The following PLEKHG4B variants were observed in gnomAD, a reference collection of about 807,000 sequenced individuals.
The protein encoded by PLEKHG4B is pleckstrin homology and RhoGEF domain containing G4B.
Under a neutral mutation model 121.3 loss-of-function variants are expected in PLEKHG4B, and 111 were observed. The observed-to-expected ratio is 0.92, with a 90% CI of 0.78 to 1.07. PLEKHG4B has a LOEUF of 1.07. PLEKHG4B is among the 50% of genes least tolerant of loss of function. PLEKHG4B has a pLI of 0.00. For synonymous variants in PLEKHG4B, 738 were observed against 725.0 expected, an observed-to-expected ratio of 1.02 and a Z score of -0.29; for missense variants, 1,831 against 1,757.8, an observed-to-expected ratio of 1.04 and a Z score of -0.74.
At chr5:125,356 A>C (rs1250291510) in intron 2 of PLEKHG4B, among the ~76,000 whole-genome samples, 1 of 152,154 alleles carries the variant, frequency 6.6e-6, no homozygotes, top group Non-Finnish European at 1.5e-5. Flanking sequence ...TACATTCTAT[A>C]GCTATTTTCC....
At chr5:169,717 GT>G in intron 14 of PLEKHG4B, 125 bp downstream of exon 14, 1 of 1,398,540 alleles carries the variant, frequency 7.2e-7, no homozygotes, top group Non-Finnish European at 9.6e-7. Flanking sequence ...CTAGGAGCTG[GT>G]CCTGACAGGA....
intron 2 of PLEKHG4B, among the ~76,000 whole-genome samples, chr5:130,544 A>C (rs912799041): frequency 5.3e-5 from 8 of 152,190 alleles, no homozygotes; most frequent in African/African-American, 1.9e-4. Flanking sequence ...TGCCTTTGTT[A>C]TGATCAAAAC....
rs1344484989 is a variant in PLEKHG4B at position 157,952 on chromosome 5, G to A, written c.2487+1041G>A. On this transcript the variant is annotated intron_variant, in intron 11 of 19. Coordinates refer to ENST00000637938, the MANE Select transcript of PLEKHG4B (RefSeq NM_052909.5). The surrounding 1 kb of genome is among the most constrained non-coding windows in gnomAD (Gnocchi z 4.6). ...GGCCTCCAGACAAAGACGTGCAGCA[G>A]GGACGCGAGGCACTGTGCATGCTCC... 6.6e-6 allele frequency among the ~76,000 whole-genome samples: 1 copy of A among 152,150 alleles called. No individual in the cohort carries two copies. Among genetic ancestry groups the A allele is most frequent in the Non-Finnish European group, 1.5e-5 (1 of 68,016 alleles).
In PLEKHG4B at chr5:101,875, A is replaced by G. The variant is rs373284932; in HGVS notation, c.45+9599A>G. Among the ~76,000 whole-genome samples the G allele has an allele frequency of 6.8e-3, 530 of 77,914 alleles. 7 individuals are homozygous for G. The highest frequency in any genetic ancestry group is 0.014 in the Middle Eastern group (2 of 146). The allele number at this position is 77,914 out of a possible 152,430, so 51.1% of individuals were successfully genotyped here. A position where few individuals can be genotyped will look rare whatever the true frequency, so the allele number is the denominator to read the frequency against. On this transcript the variant is annotated intron_variant, in intron 1 of 19. Coordinates refer to ENST00000637938, the MANE Select transcript of PLEKHG4B (RefSeq NM_052909.5). ...AGGTTAATCCATATAAAGCCCTGGA[A>G]AAAGTCTGTAGGGGAGAGACTGTTG...
intron 11 of PLEKHG4B, among the ~76,000 whole-genome samples, chr5:160,611 T>C (rs552802256): frequency 6.6e-5 from 10 of 152,364 alleles, no homozygotes; most frequent in African/African-American, 2.2e-4. Flanking sequence ...CTATGTTATA[T>C]GGATCCTTCA....
In PLEKHG4B at chr5:140,368, G is replaced by T; in HGVS notation, c.1129G>T (p.Ala377Ser). ...GSSEEALGDL[A>S]CSSLTGASRD... is the part of the protein sequence containing the mutation. ...CTCTGAGGAGGCCCTCGGGGACCTG[G>T]CCTGCAGCTCCCTGACTGGAGCCAG... Residue 377 changes from alanine (A) to serine (S), a missense_variant, in exon 3 of 20, where the codon GCC becomes TCC. Coordinates refer to ENST00000637938, the MANE Select transcript of PLEKHG4B (RefSeq NM_052909.5). The T allele has an allele frequency of 6.4e-7, 1 of 1,551,994 alleles. No individual in the cohort carries two copies. The highest frequency in any genetic ancestry group is 8.7e-7 in the Non-Finnish European group (1 of 1,148,668).
In PLEKHG4B at chr5:111,484, G is replaced by T. The variant is rs1218787133; in HGVS notation, c.46-1767G>T. Among the ~76,000 whole-genome samples, 4 of 152,322 alleles carry T rather than the reference G, an allele frequency of 2.6e-5. No individual in the cohort carries two copies. In the East Asian group the frequency reaches 7.7e-4, roughly 29 times the overall value. On this transcript the variant is annotated intron_variant, in intron 1 of 19. Transcript: ENST00000637938. The stretch of plus-strand genomic sequence containing the variant: ...TTCCTTATGTCGGGCGGTTGAGACG[G>T]TGGCCCTGGAGAAGGTGGCCCTGGA...
chr5:164,536 G>A (rs422193), intron 13 of PLEKHG4B, among the ~76,000 whole-genome samples: 1 of 123,638 alleles, frequency 8.1e-6, no homozygotes, highest in Admixed American at 7.5e-5. Context: ...CTGTGACAGG[G>A]GGCGGAGCTC....
intron 13 of PLEKHG4B, among the ~76,000 whole-genome samples, chr5:163,907 A>T (rs1205842370): frequency 1.3e-5 from 2 of 152,252 alleles, no homozygotes; most frequent in African/African-American, 4.8e-5. Flanking sequence ...AATAACTTTT[A>T]AAAAGTCTCT....
chr5:112,863 A>T (rs534034400), intron 1 of PLEKHG4B, among the ~76,000 whole-genome samples: 1 of 152,154 alleles, frequency 6.6e-6, no homozygotes, highest in Non-Finnish European at 1.5e-5. Flanking sequence ...CAGGACTCAC[A>T]GCCCCACCCC....
chr5:142,126 C>CA (rs1158194001), intron 3 of PLEKHG4B, among the ~76,000 whole-genome samples: 1 of 152,212 alleles, frequency 6.6e-6, no homozygotes, highest in Non-Finnish European at 1.5e-5. Context: ...CAGAAGTACT[C>CA]ACTTGGGGGC....
At position 155,344 on chromosome 5, in the gene PLEKHG4B, G is replaced by C; in HGVS notation, c.2110-1G>C. On this transcript the variant is annotated splice_acceptor_variant, in intron 8 of 19. Transcript: ENST00000637938. LOFTEE classifies it high-confidence loss of function. ...ATCTCCTCCCTCTCAACTCACAACAGAGGCTGGAACACTTCGCTGCAAACT... is the reference window on the plus strand; with the variant it reads ...ATCTCCTCCCTCTCAACTCACAACACAGGCTGGAACACTTCGCTGCAAACT... 6.2e-7 allele frequency: 1 copy of C among 1,613,620 alleles called. No homozygotes were observed. The highest frequency in any genetic ancestry group is 1.1e-5 in the South Asian group (1 of 91,072).
At chr5:175,068 G>A (rs115379324) in intron 18 of PLEKHG4B, among the ~76,000 whole-genome samples, 10,158 of 152,166 alleles carry the variant, frequency 0.067, 452 homozygotes, top group Non-Finnish European at 0.085. Flanking sequence ...CGTGTCTCTC[G>A]TGTCCACAAG....
In PLEKHG4B at chr5:113,528, G is replaced by C. The variant is rs970320652; in HGVS notation, c.243+80G>C. ...TTTCCCTGGGCAGGGCAGGAATTGG[G>C]CCCATCAGGGCACTGGCTCAGTTCT... On this transcript the variant is annotated intron_variant, in intron 2 of 19. Coordinates refer to ENST00000637938, the MANE Select transcript of PLEKHG4B (RefSeq NM_052909.5). The surrounding 1 kb of genome is among the most constrained non-coding windows in gnomAD (Gnocchi z 5.2). 5 of 398,604 alleles carry C rather than the reference G, an allele frequency of 1.3e-5. No homozygotes were observed. The South Asian group carries it at 6.6e-4, about 53-fold the overall frequency. The allele number at this position is 398,604 out of a possible 1,614,324, so 24.7% of individuals were successfully genotyped here. A position where few individuals can be genotyped will look rare whatever the true frequency, so the allele number is the denominator to read the frequency against.
At chr5:149,512 G>A (rs1735534072) in intron 6 of PLEKHG4B, among the ~76,000 whole-genome samples, 1 of 152,112 alleles carries the variant, frequency 6.6e-6, no homozygotes, top group Non-Finnish European at 1.5e-5. Flanking sequence ...CTGCACTCCA[G>A]TATGGATGAC....
chr5:138,000 C>T lies in PLEKHG4B; in HGVS notation c.244-1483C>T, dbSNP rs1222243675. On this transcript the variant is annotated intron_variant, in intron 2 of 19. Coordinates refer to ENST00000637938, the MANE Select transcript of PLEKHG4B (RefSeq NM_052909.5). This position sits in a 1 kb window ranked among gnomAD's most constrained non-coding sequence, Gnocchi z 4.2. ...ACGGCTTGCTCACCGGTGTGAGGAA[C>T]ACGCGCAGACGTTTCTGAAAACTGG... Among the ~76,000 whole-genome samples the T allele has an allele frequency of 6.6e-6, 1 of 152,238 alleles. No individual in the cohort carries two copies. The highest frequency in any genetic ancestry group is 2.4e-5 in the African/African-American group (1 of 41,456).
intron 1 of PLEKHG4B, among the ~76,000 whole-genome samples, chr5:95,757 C>T (rs1232012703): frequency 3.9e-5 from 6 of 152,108 alleles, no homozygotes; most frequent in African/African-American, 4.8e-5. Flanking sequence ...GAATGACCCA[C>T]CTCTAGTGTC....
intron 1 of PLEKHG4B, among the ~76,000 whole-genome samples, chr5:103,026 T>A (rs749189126): frequency 5.3e-5 from 8 of 152,154 alleles, no homozygotes; most frequent in Non-Finnish European, 1.2e-4. Flanking sequence ...CACCCCTCCA[T>A]TGCAGAGTTA....
In PLEKHG4B at chr5:183,995, A is replaced by ATCGATCGATC. The variant is rs1560961941; in HGVS notation, c.*1672_*1673insTCGATCGATC. 329 of 102,786 alleles carry ATCGATCGATC rather than the reference A, an allele frequency of 3.2e-3. 1 individual carries two copies. Among genetic ancestry groups the ATCGATCGATC allele is most frequent in the African/African-American group, 0.021 (308 of 14,958 alleles). The allele number at this position is 102,786 out of a possible 1,614,324, so 6.4% of individuals were successfully genotyped here. Reference sequence around the variant, plus strand: ...CAGATAGATAGATAGATAGATCGATAGATAGATAGATAGATAGATAGATAG... The same window carrying ATCGATCGATC: ...CAGATAGATAGATAGATAGATCGATATCGATCGATCGATAGATAGATAGATAGATAGATAG... On this transcript the variant is annotated 3_prime_UTR_variant, in exon 20 of 20. Transcript: ENST00000637938.
Sources: allele counts gnomAD v4.1 joint callset (sites outside exome capture counted in the v4.1 genomes callset), GRCh38; gene constraint gnomAD v4.1.1; non-coding constraint Gnocchi (gnomAD v3.1); transcripts MANE v1.5; gene names NCBI Gene and HGNC (gene_info 2026-07-23, HGNC 2026-07-21).